GRIK1: variants seen among roughly 807,000 people sequenced by gnomAD.
GRIK1 encodes glutamate ionotropic receptor kainate type subunit 1.
A neutral mutation model predicts 105.7 loss-of-function variants in GRIK1; 69 were observed. That is an observed-to-expected ratio of 0.65 (90% CI 0.54 to 0.80). The LOEUF (loss-of-function observed/expected upper bound fraction) is 0.80, where lower values mean the gene tolerates loss of function less well. GRIK1 is among the 30% of genes least tolerant of loss of function. The pLI, the probability that GRIK1 is intolerant of heterozygous loss-of-function variation, is 0.00. For synonymous variants in GRIK1, 438 were observed against 431.3 expected (o/e 1.02, Z -0.19); for missense variants, 1,109 against 1,167.3 (o/e 0.95, Z 0.73).
chr21:29,628,988 A>G (rs2146468837), intron 7 of GRIK1, among the ~76,000 whole-genome samples: 1 of 152,296 alleles, frequency 6.6e-6, no homozygotes, highest in South Asian at 2.1e-4. Flanking sequence ...TTATTTATTT[A>G]GTCACCAAGA....
At chr21:29,599,780 A>G (rs2061483755) in intron 7 of GRIK1, among the ~76,000 whole-genome samples, 1 of 151,876 alleles carries the variant, frequency 6.6e-6, no homozygotes. Context: ...GCAACAGAGC[A>G]AGACTCTGTC....
intron 1 of GRIK1, among the ~76,000 whole-genome samples, chr21:29,938,853 C>T (rs75584618): frequency 0.68 from 103,567 of 151,622 alleles, 35,570 homozygotes; most frequent in East Asian, 0.83. Context: ...TGGAAGAATC[C>T]AACTTAGGCA....
intron 1 of GRIK1, among the ~76,000 whole-genome samples, chr21:29,732,686 G>C (rs2064666915): frequency 1.3e-5 from 2 of 152,176 alleles, no homozygotes; most frequent in South Asian, 4.1e-4. Flanking sequence ...AGGATTGGGA[G>C]AGAATAACTT....
chr21:29,806,259 G>T (rs1398934908), intron 1 of GRIK1, among the ~76,000 whole-genome samples: 5 of 151,868 alleles, frequency 3.3e-5, no homozygotes, highest in African/African-American at 1.2e-4. Flanking sequence ...AATTTAGATT[G>T]ACTTTCTTGG....
intron 1 of GRIK1, among the ~76,000 whole-genome samples, chr21:29,816,684 C>A (rs967067286): frequency 6.6e-6 from 1 of 151,990 alleles, no homozygotes; most frequent in Non-Finnish European, 1.5e-5. Context: ...GTAAAATAAG[C>A]CAAGCACAGA....
chr21:29,812,550 C>A (rs1163080545), intron 1 of GRIK1, among the ~76,000 whole-genome samples: 2 of 152,098 alleles, frequency 1.3e-5, no homozygotes, highest in Admixed American at 1.3e-4. Context: ...CTCAAAGACC[C>A]CATGTTGAGA....
intron 1 of GRIK1, among the ~76,000 whole-genome samples, chr21:29,837,715 A>C (rs2067847523): frequency 6.6e-6 from 1 of 152,322 alleles, no homozygotes; most frequent in East Asian, 1.9e-4. Context: ...AAATATATCA[A>C]ACTTAAAGCA....
chr21:29,737,152 A>G (rs2064813427), intron 1 of GRIK1, among the ~76,000 whole-genome samples: 1 of 152,178 alleles, frequency 6.6e-6, no homozygotes, highest in African/African-American at 2.4e-5. Context: ...TGTTTCCAAG[A>G]AGTCCCCTTT....
chr21:29,897,460 T>C (rs1368042842), intron 1 of GRIK1, among the ~76,000 whole-genome samples: 6 of 152,216 alleles, frequency 3.9e-5, no homozygotes, highest in Admixed American at 2.6e-4. Flanking sequence ...CCTTCAAACA[T>C]GTATTTTCCT....
chr21:29,757,979 A>C (rs1320754536), intron 1 of GRIK1, among the ~76,000 whole-genome samples: 1 of 152,246 alleles, frequency 6.6e-6, no homozygotes. Flanking sequence ...CTCAGATCTT[A>C]GCTTGAGATA....
chr21:29,555,927 T>C (rs568315252), intron 15 of GRIK1, among the ~76,000 whole-genome samples: 30 of 152,280 alleles, frequency 2.0e-4, no homozygotes, highest in African/African-American at 7.0e-4. Flanking sequence ...ATAAGCAATA[T>C]TAAAACAACT....
At chr21:29,692,831 C>A (rs1008521050) in intron 2 of GRIK1, among the ~76,000 whole-genome samples, 1 of 152,186 alleles carries the variant, frequency 6.6e-6, no homozygotes, top group African/African-American at 2.4e-5. Flanking sequence ...CCTCGGCCAC[C>A]CAAAGTGCTG....
intron 4 of GRIK1, among the ~76,000 whole-genome samples, chr21:29,668,776 C>T (rs919094824): frequency 4.6e-5 from 7 of 152,214 alleles, no homozygotes; most frequent in African/African-American, 1.7e-4. Flanking sequence ...CTTTCAGCCA[C>T]TCCCTCAGTA....
chr21:29,543,286 A>AT (rs771911113), intron 16 of GRIK1, among the ~76,000 whole-genome samples: 18 of 152,166 alleles, frequency 1.2e-4, no homozygotes, highest in Non-Finnish European at 1.9e-4. Context: ...TTTTTAAGGA[A>AT]TAGGAACAGA....
At chr21:29,856,691 C>T (rs1426238689) in intron 1 of GRIK1, among the ~76,000 whole-genome samples, 1 of 152,160 alleles carries the variant, frequency 6.6e-6, no homozygotes, top group Non-Finnish European at 1.5e-5. Context: ...AGACAATCAT[C>T]AAAAGGCTTA....
At position 29,745,875 on chromosome 21, in the gene GRIK1, G is replaced by T. The variant is rs901463794; in HGVS notation, c.119-51812C>A. Among the ~76,000 whole-genome samples, 8 of 152,262 alleles carry T rather than the reference G, an allele frequency of 5.3e-5. No homozygotes were observed. In the South Asian group the frequency reaches 1.5e-3, roughly 28 times the overall value. On this transcript the variant is annotated intron_variant, in intron 1 of 17. Transcript: ENST00000327783. ...TCCCAGCATTTTGGGAGGCCAAGGC[G>T]GGGGGATCACGAGGTCAGGAGATCG...
intron 1 of GRIK1, among the ~76,000 whole-genome samples, chr21:29,735,970 A>G (rs1435900424): frequency 6.6e-6 from 1 of 152,198 alleles, no homozygotes; most frequent in Non-Finnish European, 1.5e-5. Flanking sequence ...TATTAAGTGA[A>G]ATATAAAAAG....
chr21:29,566,924 GGCTAATGTTTCCACA>G (rs914751525), intron 14 of GRIK1, among the ~76,000 whole-genome samples: 18 of 152,218 alleles, frequency 1.2e-4, no homozygotes, highest in East Asian at 7.7e-4. Context: ...CTCAAGGCTT[GGCTAATGTTTCCACA>G]GCTAATGTTT....
In GRIK1 at chr21:29,555,100, A is replaced by C. The variant is rs1351096782; in HGVS notation, c.2559T>G (p.Ala853=). The C allele has an allele frequency of 6.2e-7, 1 of 1,611,158 alleles. No individual in the cohort carries two copies. Among genetic ancestry groups the C allele is most frequent in the South Asian group, 1.1e-5 (1 of 91,030 alleles). Reference sequence around the variant, plus strand: ...GTGATTTGTATATGAATTCTCCAATAGCTACAAATACAGAAAGGACCAGTC... The same window carrying C: ...GTGATTTGTATATGAATTCTCCAATCGCTACAAATACAGAAAGGACCAGTC... The part of the protein sequence containing the change: ...AAGLVLSVFV[A]IGEFIYKSRK... The change falls in exon 16 of 18, where the codon GCT becomes GCG. Residue 853 remains alanine (A), a synonymous_variant. Transcript: ENST00000327783.
Sources: allele counts gnomAD v4.1 joint callset (sites outside exome capture counted in the v4.1 genomes callset), GRCh38; gene constraint gnomAD v4.1.1; transcripts MANE v1.5; gene names NCBI Gene and HGNC (gene_info 2026-07-23, HGNC 2026-07-21).